The following SMAD3 variants were observed in gnomAD, a reference collection of about 807,000 sequenced individuals.
The protein encoded by SMAD3 is SMAD family member 3.
A neutral mutation model predicts 51.8 loss-of-function variants in SMAD3; 12 were observed. The observed-to-expected ratio is 0.23, with a 90% CI of 0.15 to 0.38. The LOEUF is 0.38. Among genes scored for constraint, SMAD3 ranks in the 10% least tolerant of loss-of-function variants. The probability of loss-of-function intolerance (pLI) is 1.00; values close to 1 mark genes in which losing one functional copy is unlikely to be tolerated. For missense variants in SMAD3, 294 were observed against 565.6 expected, an observed-to-expected ratio of 0.52 and a Z score of 4.87; for synonymous variants, 238 against 227.7, an observed-to-expected ratio of 1.05 and a Z score of -0.41.
intron 1 of SMAD3, among the ~76,000 whole-genome samples, chr15:67,069,445 G>T (rs1297117640): frequency 6.6e-6 from 1 of 152,160 alleles, no homozygotes; most frequent in African/African-American, 2.4e-5. Context: ...CGCTGAATGA[G>T]AGTTGGTGTG....
chr15:67,091,277 C>T (rs1263774537), intron 1 of SMAD3, among the ~76,000 whole-genome samples: 1 of 152,238 alleles, frequency 6.6e-6, no homozygotes, highest in African/African-American at 2.4e-5. Flanking sequence ...GGAGGGATTT[C>T]CCAGATGGCT....
intron 1 of SMAD3, among the ~76,000 whole-genome samples, chr15:67,073,782 GTCCTGCCTCAGCC>G (rs1261234751): frequency 2.6e-5 from 4 of 152,124 alleles, no homozygotes; most frequent in African/African-American, 9.7e-5. Flanking sequence ...TCAAGTGATT[GTCCTGCCTCAGCC>G]TTCTGAGTAG....
intron 1 of SMAD3, among the ~76,000 whole-genome samples, chr15:67,090,772 G>T (rs1043991794): frequency 5.3e-5 from 8 of 152,190 alleles, no homozygotes; most frequent in Admixed American, 1.3e-4. Context: ...GTTTTCTGGG[G>T]ATTTAAATCA....
Position 67,195,090 on chromosome 15 carries a change from C to G in SMAD3, c.*4554C>G, listed in dbSNP as rs1963469413. The G allele has an allele frequency of 4.3e-6, 1 of 233,238 alleles. No individual in the cohort carries two copies. The highest frequency in any genetic ancestry group is 1.8e-4 in the South Asian group (1 of 5,514). The allele number at this position is 233,238 out of a possible 1,614,324, so 14.4% of individuals were successfully genotyped here. On this transcript the variant is annotated 3_prime_UTR_variant, in exon 9 of 9. Transcript: ENST00000327367. ...CAGAGCACCTGTTTAAGCATTGTAC[C>G]CCTATTGTTAAAGATTTGTGTCCTC...
rs72661155 is a variant in SMAD3, at chr15:67,165,142, T to TC, written c.400+58dup. The TC allele has an allele frequency of 0.066, 106,376 of 1,609,526 alleles. 3,949 individuals are homozygous for TC. Among genetic ancestry groups the TC allele is most frequent in the Admixed American group, 0.12 (7,189 of 60,014 alleles). ...AGCAGGTGCCAGGGGTCATCACCTCTCCCCGGCTCCCCATCCCCCCGAGGG... is the reference window on the plus strand; with the variant it reads ...AGCAGGTGCCAGGGGTCATCACCTCTCCCCCGGCTCCCCATCCCCCCGAGGG... On this transcript the variant is annotated intron_variant, in intron 2 of 8. Coordinates refer to ENST00000327367, the MANE Select transcript of SMAD3 (RefSeq NM_005902.4).
At chr15:67,073,026 T>C (rs187675264) in intron 1 of SMAD3, among the ~76,000 whole-genome samples, 13 of 152,354 alleles carry the variant, frequency 8.5e-5, no homozygotes, top group Admixed American at 3.9e-4. Context: ...GTGCCTTCTG[T>C]AGCTTCTAGT....
intron 1 of SMAD3, among the ~76,000 whole-genome samples, chr15:67,071,925 A>G (rs1317706348): frequency 6.6e-6 from 1 of 152,230 alleles, no homozygotes; most frequent in African/African-American, 2.4e-5. Context: ...TGCTGAGAAT[A>G]AATCCTAGAC....
chr15:67,136,939 A>G (rs1015372669), intron 1 of SMAD3, among the ~76,000 whole-genome samples: 2 of 152,180 alleles, frequency 1.3e-5, no homozygotes, highest in Non-Finnish European at 2.9e-5. Context: ...AGGTGGTTAG[A>G]GGCCATCACC....
chr15:67,173,209 T>A (rs72743481), intron 5 of SMAD3, among the ~76,000 whole-genome samples: 2 of 151,566 alleles, frequency 1.3e-5, no homozygotes, highest in African/African-American at 2.4e-5. Flanking sequence ...TATGTACTGA[T>A]GCTGGGGGCC....
chr15:67,070,737 G>C (rs1960033800), intron 1 of SMAD3, among the ~76,000 whole-genome samples: 1 of 151,126 alleles, frequency 6.6e-6, no homozygotes, highest in Non-Finnish European at 1.5e-5. Flanking sequence ...AATTCACTAT[G>C]TTAGGAAATA....
intron 1 of SMAD3, among the ~76,000 whole-genome samples, chr15:67,128,772 G>A (rs918603796): frequency 2.0e-5 from 3 of 152,034 alleles, no homozygotes; most frequent in East Asian, 1.9e-4. Flanking sequence ...AGTGAACCTC[G>A]CCATTTTGCC....
At chr15:67,179,883 C>T (rs191892052) in intron 5 of SMAD3, among the ~76,000 whole-genome samples, 3 of 152,058 alleles carry the variant, frequency 2.0e-5, no homozygotes, top group Admixed American at 6.5e-5. Context: ...AGGGTTAAAG[C>T]GAGGGAGGAG....
chr15:67,176,556 C>A (rs546479071), intron 5 of SMAD3, among the ~76,000 whole-genome samples: 1 of 152,188 alleles, frequency 6.6e-6, no homozygotes, highest in Non-Finnish European at 1.5e-5. Context: ...TCTTCCTTTA[C>A]GGGATTTGAA....
At chr15:67,187,192 C>A (rs1274678153) in intron 7 of SMAD3, 173 bp from the exon 8 acceptor site, 2 of 790,930 alleles carry the variant, frequency 2.5e-6, no homozygotes, top group Admixed American at 3.9e-5. Context: ...GGTTGGCCTT[C>A]CCTTTGCATG....
At chr15:67,116,459 A>G (rs1003180406) in intron 1 of SMAD3, among the ~76,000 whole-genome samples, 3 of 152,216 alleles carry the variant, frequency 2.0e-5, no homozygotes, top group African/African-American at 7.2e-5. Context: ...TCTCGGGCAC[A>G]GGGATAACGG....
intron 1 of SMAD3, among the ~76,000 whole-genome samples, chr15:67,074,165 C>T (rs1470802614): frequency 2.0e-5 from 3 of 152,210 alleles, no homozygotes; most frequent in Non-Finnish European, 4.4e-5. Flanking sequence ...CTCTTCCTTA[C>T]TCTGTGAGTC....
intron 1 of SMAD3, among the ~76,000 whole-genome samples, chr15:67,106,835 A>G (rs1566970311): frequency 6.6e-6 from 1 of 152,176 alleles, no homozygotes; most frequent in Non-Finnish European, 1.5e-5. Context: ...TTGCAAGGTG[A>G]CACTTATCTG....
At chr15:67,168,178 C>A (rs565638757) in intron 4 of SMAD3, among the ~76,000 whole-genome samples, 2 of 152,348 alleles carry the variant, frequency 1.3e-5, no homozygotes, top group East Asian at 3.9e-4. Context: ...TGGTCTCAAA[C>A]TCCTGACCTC....
At chr15:67,073,924 C>T (rs1453073877) in intron 1 of SMAD3, among the ~76,000 whole-genome samples, 4 of 152,196 alleles carry the variant, frequency 2.6e-5, no homozygotes, top group South Asian at 2.1e-4. Context: ...CTGCCCGCCT[C>T]GGCCTCCCAA....
Sources: allele counts gnomAD v4.1 joint callset (sites outside exome capture counted in the v4.1 genomes callset), GRCh38; gene constraint gnomAD v4.1.1; transcripts MANE v1.5; gene names NCBI Gene and HGNC (gene_info 2026-07-23, HGNC 2026-07-21).